The following PKHD1 variants were observed in gnomAD, a reference collection of about 807,000 sequenced individuals.
The protein encoded by PKHD1 is fibrocystin.
PKHD1 carries 291 observed loss-of-function variants against 412.0 expected under a neutral mutation model. The ratio of observed to expected loss-of-function variants is 0.71; its 90% CI spans 0.64 to 0.78. The LOEUF is 0.78. PKHD1 is among the 30% of genes least tolerant of loss of function. The pLI is 0.00. For missense variants in PKHD1, 4,825 were observed against 4,950.7 expected (o/e 0.97, Z 0.76); for synonymous variants, 1,777 against 1,821.5 (o/e 0.98, Z 0.62).
rs1187672359 is a variant in PKHD1 at position 51,618,631 on chromosome 6, G to C, written c.*450C>G. On this transcript the variant is annotated 3_prime_UTR_variant, in exon 67 of 67. Transcript: ENST00000371117. ...ACTGTCCCTTCAAATGCTACTACAG[G>C]ATAAAGAAATGCTTTTCTGTAACAG... 1 of 266,966 alleles carries C rather than the reference G, an allele frequency of 3.7e-6. No homozygotes were observed. The highest frequency in any genetic ancestry group is 7.2e-6 in the Non-Finnish European group (1 of 138,178). 16.5% of individuals were successfully genotyped at this position (266,966 alleles called of 1,614,324 possible).
At chr6:51,987,926 T>C (rs1384208085) in intron 35 of PKHD1, among the ~76,000 whole-genome samples, 1 of 152,196 alleles carries the variant, frequency 6.6e-6, no homozygotes, top group Non-Finnish European at 1.5e-5. Flanking sequence ...AGTCACCTAA[T>C]TTCCCTGAAG....
intron 55 of PKHD1, among the ~76,000 whole-genome samples, chr6:51,764,079 TCC>T (rs1266316760): frequency 6.7e-6 from 1 of 148,406 alleles, no homozygotes; most frequent in Non-Finnish European, 1.5e-5. Flanking sequence ...TAGGTATATC[TCC>T]CAATGCTATC....
In PKHD1 at chr6:51,970,091, C is replaced by T. The variant is rs189874914; in HGVS notation, c.5752-10065G>A. ...ATGCTCCCCTTTCTCAGCATCCTCACCAATATCTGCTGTAGTTTGACTTTT... is the reference window on the plus strand; with the variant it reads ...ATGCTCCCCTTTCTCAGCATCCTCATCAATATCTGCTGTAGTTTGACTTTT... On this transcript the variant is annotated intron_variant, in intron 35 of 66. Transcript: ENST00000371117. Among the ~76,000 whole-genome samples, 4 of 152,288 alleles carry T rather than the reference C, an allele frequency of 2.6e-5. No homozygotes were observed. The East Asian group carries it at 7.7e-4, about 29-fold the overall frequency.
chr6:51,984,876 ACCAAGGAGAAAACGT>A (rs1020256078), intron 35 of PKHD1, among the ~76,000 whole-genome samples: 1 of 152,236 alleles, frequency 6.6e-6, no homozygotes, highest in Admixed American at 6.5e-5. Context: ...CCCCTACAAT[ACCAAGGAGAAAACGT>A]CCAAGGATGG....
chr6:51,674,730 T>G lies in PKHD1; in HGVS notation c.10157-14761A>C, dbSNP rs1775562863. 2.0e-5 allele frequency among the ~76,000 whole-genome samples: 3 copies of G among 152,212 alleles called. No homozygotes were observed. In the South Asian group the frequency reaches 6.2e-4, roughly 31 times the overall value. ...GGGGCTGTAATAACTAGAAGTTCTC[T>G]CTGCACAATTTATTGACAGGCACAC... is the stretch of plus-strand genomic sequence containing the variant. On this transcript the variant is annotated intron_variant, in intron 60 of 66. Coordinates refer to ENST00000371117, the MANE Select transcript of PKHD1 (RefSeq NM_138694.4).
intron 28 of PKHD1, among the ~76,000 whole-genome samples, chr6:52,034,994 CGT>C (rs1399468047): frequency 6.6e-6 from 1 of 152,060 alleles, no homozygotes. Flanking sequence ...GGCAGCAGTG[CGT>C]GTGACTCTCC....
intron 64 of PKHD1, among the ~76,000 whole-genome samples, chr6:51,633,510 C>T (rs915541788): frequency 2.6e-5 from 4 of 151,390 alleles, no homozygotes; most frequent in Non-Finnish European, 5.9e-5. Flanking sequence ...TTTATCTAGA[C>T]AATGAAAAAC....
chr6:52,043,597 C>T (rs375910668), intron 26 of PKHD1, 28 bp downstream of exon 26: 2 of 1,491,744 alleles, frequency 1.3e-6, no homozygotes, highest in Admixed American at 3.3e-5. Context: ...GGCTTAAGCC[C>T]ATCTCAGAGC....
At chr6:51,742,217 C>T (rs184220031) in intron 60 of PKHD1, among the ~76,000 whole-genome samples, 1 of 152,312 alleles carries the variant, frequency 6.6e-6, no homozygotes, top group African/African-American at 2.4e-5. Flanking sequence ...TGGTTCTATT[C>T]AACAAATGCA....
intron 35 of PKHD1, among the ~76,000 whole-genome samples, chr6:51,981,367 C>T (rs1322576419): frequency 8.7e-6 from 1 of 114,878 alleles, no homozygotes; most frequent in African/African-American, 2.9e-5. Flanking sequence ...CCCTCTCCCT[C>T]TCCCTCCACG....
At chr6:51,989,936 GAA>G (rs1796771242) in intron 35 of PKHD1, among the ~76,000 whole-genome samples, 1 of 90,804 alleles carries the variant, frequency 1.1e-5, no homozygotes. Flanking sequence ...AGGAAGGAAA[GAA>G]GGAAGGAAGA....
In PKHD1 at chr6:51,856,042, A is replaced by C. The variant is rs371240292; in HGVS notation, c.7762T>G (p.Leu2588Val). 7 of 1,604,598 alleles carry C rather than the reference A, an allele frequency of 4.4e-6. No homozygotes were observed. The African/African-American group carries it at 8.0e-5, about 18-fold the overall frequency. The change falls in exon 49 of 67, where the codon TTA becomes GTA. Residue 2588 changes from leucine to valine, a missense_variant. Transcript: ENST00000371117. ...TTATTTCTGCTGTCAGTCATGGTTA[A>C]ATCATAAGAAACTTCAGGAGTATTC... Reference protein sequence around the residue: ...LANTPEVSYDLTMTDSRNKTT... With the variant: ...LANTPEVSYDVTMTDSRNKTT...
intron 35 of PKHD1, among the ~76,000 whole-genome samples, chr6:51,977,466 C>T (rs1299847617): frequency 6.6e-6 from 1 of 152,192 alleles, no homozygotes; most frequent in Non-Finnish European, 1.5e-5. Flanking sequence ...AGCCTTTCAC[C>T]CCTGTTCTAC....
At chr6:51,864,811 T>C (rs1292383724) in intron 48 of PKHD1, among the ~76,000 whole-genome samples, 1 of 152,122 alleles carries the variant, frequency 6.6e-6, no homozygotes, top group Non-Finnish European at 1.5e-5. Context: ...TATTAAGTCT[T>C]ATCTATATGG....
chr6:51,666,990 T>A (rs996118539), intron 60 of PKHD1, among the ~76,000 whole-genome samples: 8 of 150,204 alleles, frequency 5.3e-5, no homozygotes, highest in Non-Finnish European at 1.2e-4. Flanking sequence ...TTGTGAATAA[T>A]GCCGCAATAA....
intron 60 of PKHD1, among the ~76,000 whole-genome samples, chr6:51,743,976 G>T (rs1438615395): frequency 6.6e-6 from 1 of 152,178 alleles, no homozygotes; most frequent in Non-Finnish European, 1.5e-5. Flanking sequence ...CCCTACCATT[G>T]AGAGAGCGCT....
At chr6:51,888,737 T>G (rs1778611267) in intron 43 of PKHD1, among the ~76,000 whole-genome samples, 1 of 151,444 alleles carries the variant, frequency 6.6e-6, no homozygotes, top group Admixed American at 6.6e-5. Flanking sequence ...AATAACATGT[T>G]GGCTATTCTA....
intron 35 of PKHD1, among the ~76,000 whole-genome samples, chr6:51,967,638 TTGTGTGTGTGTGTGTA>T (rs1279156306): frequency 7.3e-6 from 1 of 136,800 alleles, no homozygotes; most frequent in Admixed American, 8.2e-5. Flanking sequence ...GTGTGGGAAG[TTGTGTGTGTGTGTGTA>T]TGTGTGTGTG....
rs1801600933 is a variant in PKHD1 at position 52,022,848 on chromosome 6, G to T, written c.5333C>A (p.Ala1778Asp). Residue 1778 changes from alanine (A) to aspartate (D), a missense_variant, in exon 33 of 67, where the codon GCT (alanine) becomes GAT (aspartate). Coordinates refer to ENST00000371117, the MANE Select transcript of PKHD1 (RefSeq NM_138694.4). ...GCTGAAGGCAGACACTGTAGCATTA[G>T]CCAGGACTCGGCAGGGAGCACCACA... ...AVCGAPCRVL[A>D]NATVSAFSCL... 4 of 1,614,088 alleles carry T rather than the reference G, an allele frequency of 2.5e-6. No homozygotes were observed. Among genetic ancestry groups the T allele is most frequent in the Non-Finnish European group, 1.7e-6 (2 of 1,180,012 alleles).
Sources: gnomAD v4.1 joint callset for allele counts (sites outside exome capture counted in the v4.1 genomes callset) on GRCh38, gnomAD v4.1.1 for gene constraint, MANE v1.5 for transcripts, NCBI Gene and HGNC (gene_info 2026-07-23, HGNC 2026-07-21) for gene names.